MSANTD2: variants seen among roughly 807,000 people sequenced by gnomAD.
MSANTD2 encodes the protein Myb/SANT DNA binding domain containing 2.
In MSANTD2, 19 loss-of-function variants were observed where a neutral mutation model predicts 52.6. The observed-to-expected ratio is 0.36, with a 90% CI of 0.25 to 0.53. The LOEUF is 0.53. MSANTD2 is among the 20% of genes least tolerant of loss of function. The pLI is 0.91. For missense variants in MSANTD2, 558 were observed against 716.3 expected (o/e 0.78, Z 2.52); for synonymous variants, 291 against 289.7 (o/e 1.00, Z -0.04).
Position 124,767,152 on chromosome 11 carries a change from C to T in MSANTD2, c.*24G>A. 6.4e-7 allele frequency: 1 copy of T among 1,565,924 alleles called. No individual in the cohort carries two copies. Among genetic ancestry groups the T allele is most frequent in the Non-Finnish European group, 8.6e-7 (1 of 1,159,404 alleles). On this transcript the variant is annotated 3_prime_UTR_variant, in exon 4 of 4. Coordinates refer to ENST00000374979, the MANE Select transcript of MSANTD2 (RefSeq NM_001308027.2). This position sits in a 1 kb window ranked among gnomAD's most constrained non-coding sequence, Gnocchi z 6.5. ...GAGTAGAGAAGAAGGAGCTAAGAGC[C>T]CAAATCCTTATGAAGGATGACATTC...
chr11:124,798,610 G>C (rs1257027664), intron 1 of MSANTD2, among the ~76,000 whole-genome samples: 1 of 152,124 alleles, frequency 6.6e-6, no homozygotes, highest in Admixed American at 6.6e-5. Context: ...TTAGTTTGTG[G>C]ACCCAGTTTT....
intron 1 of MSANTD2, among the ~76,000 whole-genome samples, chr11:124,785,239 G>T (rs116405950): frequency 0.012 from 1,808 of 152,322 alleles, 39 homozygotes; most frequent in African/African-American, 0.04. Flanking sequence ...TGTAATGAAG[G>T]TAAATCATAG....
intron 1 of MSANTD2, among the ~76,000 whole-genome samples, chr11:124,793,879 C>A (rs549512403): frequency 1.3e-5 from 2 of 152,198 alleles, no homozygotes; most frequent in South Asian, 4.1e-4. Context: ...TGAGCTCCCC[C>A]TAGAGGTTTG....
chr11:124,767,556 G>A lies in MSANTD2; in HGVS notation c.1300C>T (p.Pro434Ser), dbSNP rs201439004. ...CTTTGCTCCATGTGTGGTGAGAGGG[G>A]CCTCTCAATACATTCTTCATAGCCA... is the stretch of plus-strand genomic sequence containing the variant. ...AIGYEECIER[P>S]LSPHMEQSSL... is the part of the protein sequence containing the mutation. The change falls in exon 4 of 4, where the codon CCC becomes TCC. Residue 434 changes from proline to serine, a missense_variant. Transcript: ENST00000374979. The surrounding 1 kb of genome is among the most constrained non-coding windows in gnomAD (Gnocchi z 6.5). 8 of 1,614,090 alleles carry A rather than the reference G, an allele frequency of 5.0e-6. No individual in the cohort carries two copies. Among genetic ancestry groups the A allele is most frequent in the Admixed American group, 1.7e-5 (1 of 60,006 alleles).
intron 1 of MSANTD2, chr11:124,791,025 T>C: frequency 2.2e-6 from 1 of 464,668 alleles, no homozygotes. Context: ...GGTTGTACAA[T>C]TAATTTTAGC....
In MSANTD2 at chr11:124,794,836, T is replaced by C. The variant is rs1458134870; in HGVS notation, c.510+5035A>G. On this transcript the variant is annotated intron_variant, in intron 1 of 3. Transcript: ENST00000374979. Reference sequence around the variant, plus strand: ...AATCTAAGCAATGTCCCCAGAAAATTAATCATTTTGTTCTCTGGGCAGAAG... The same window carrying C: ...AATCTAAGCAATGTCCCCAGAAAATCAATCATTTTGTTCTCTGGGCAGAAG... Among the ~76,000 whole-genome samples the C allele has an allele frequency of 2.0e-5, 3 of 152,082 alleles. No individual in the cohort carries two copies. In the East Asian group the frequency reaches 5.8e-4, roughly 29 times the overall value.
In MSANTD2 at chr11:124,774,936, A is replaced by C; in HGVS notation, c.549T>G (p.Gly183=). The C allele has an allele frequency of 6.3e-7, 1 of 1,584,184 alleles. No individual in the cohort carries two copies. The highest frequency in any genetic ancestry group is 1.8e-5 in the Admixed American group (1 of 55,684). The change falls in exon 2 of 4, where the codon GGT becomes GGG. Residue 183 remains glycine, a synonymous_variant. Transcript: ENST00000374979. This position sits in a 1 kb window ranked among gnomAD's most constrained non-coding sequence, Gnocchi z 5.1. ...RRCYSRVKEH[G]VGKRKSSYTF... ...TGTAACTGCTCTTTCTTTTCCCAAC[A>C]CCATGTTCTTTCACCCGACTGTAAC... is the stretch of plus-strand genomic sequence containing the variant.
chr11:124,778,437 C>A (rs181166637), intron 1 of MSANTD2, among the ~76,000 whole-genome samples: 1 of 152,232 alleles, frequency 6.6e-6, no homozygotes, highest in Admixed American at 6.5e-5. Flanking sequence ...TGGAAATCTC[C>A]CCGGTAAATT....
intron 1 of MSANTD2, among the ~76,000 whole-genome samples, chr11:124,780,046 G>A (rs1314524745): frequency 6.6e-6 from 1 of 152,022 alleles, no homozygotes; most frequent in Non-Finnish European, 1.5e-5. Context: ...AGTTAATTGA[G>A]GCAACGAAAC....
chr11:124,769,477 C>T (rs1463055621), intron 3 of MSANTD2, among the ~76,000 whole-genome samples: 4 of 152,134 alleles, frequency 2.6e-5, no homozygotes, highest in East Asian at 1.9e-4. Flanking sequence ...AAGACATAGA[C>T]CATATTTCTG....
chr11:124,782,516 T>A (rs1945016437), intron 1 of MSANTD2, among the ~76,000 whole-genome samples: 1 of 152,118 alleles, frequency 6.6e-6, no homozygotes, highest in Admixed American at 6.6e-5. Flanking sequence ...TCAGAGATCA[T>A]CTAGTTCATC....
Position 124,767,369 on chromosome 11 carries a change from T to A in MSANTD2, c.1487A>T (p.Asn496Ile). ...CCAATCTTTGCTGAAGGTTTTGGTA[T>A]TCGCTTGGAAATGTAAAAATAAGCA... The part of the protein sequence containing the change: ...QQCLFLHFQA[N>I]TKTFSKDWVG... Residue 496 changes from asparagine (N) to isoleucine (I), a missense_variant, in exon 4 of 4, where the codon AAT becomes ATT. Asn to Ile is a moderately radical substitution (Grantham distance 149). Transcript: ENST00000374979. This position sits in a 1 kb window ranked among gnomAD's most constrained non-coding sequence, Gnocchi z 6.5. 8 of 1,614,194 alleles carry A rather than the reference T, an allele frequency of 5.0e-6. No individual in the cohort carries two copies. Among genetic ancestry groups the A allele is most frequent in the Non-Finnish European group, 6.8e-6 (8 of 1,180,022 alleles).
intron 1 of MSANTD2, chr11:124,791,188 TG>T: frequency 9.1e-7 from 1 of 1,099,258 alleles, no homozygotes; most frequent in Non-Finnish European, 1.4e-6. Context: ...GTTGGAAGAA[TG>T]GGTGCATGTG....
intron 1 of MSANTD2, among the ~76,000 whole-genome samples, chr11:124,794,879 T>C (rs1945445360): frequency 6.6e-6 from 1 of 152,174 alleles, no homozygotes; most frequent in African/African-American, 2.4e-5. Context: ...TATCTTTTAT[T>C]TATTATTTAT....
chr11:124,767,026 TATG>T lies in MSANTD2; in HGVS notation c.*147_*149del. ...TCTGTTTTTTCTGGCCCAAGTCTACTATGATTCCTTAGAAGTCGTACTGGCCCA... is the reference window on the plus strand; with the variant it reads ...TCTGTTTTTTCTGGCCCAAGTCTACTATTCCTTAGAAGTCGTACTGGCCCA... On this transcript the variant is annotated 3_prime_UTR_variant, in exon 4 of 4. Transcript: ENST00000374979. The surrounding 1 kb of genome is among the most constrained non-coding windows in gnomAD (Gnocchi z 6.5). The T allele has an allele frequency of 1.3e-6, 1 of 786,052 alleles. No homozygotes were observed. The highest frequency in any genetic ancestry group is 2.0e-6 in the Non-Finnish European group (1 of 505,364). 48.7% of individuals were successfully genotyped at this position (786,052 alleles called of 1,614,324 possible).
intron 1 of MSANTD2, among the ~76,000 whole-genome samples, chr11:124,785,818 T>C (rs1945140944): frequency 6.6e-6 from 1 of 151,268 alleles, no homozygotes. Context: ...TATTTATATA[T>C]GGTACACCCC....
chr11:124,787,504 C>A (rs754649131), intron 1 of MSANTD2, among the ~76,000 whole-genome samples: 3 of 152,192 alleles, frequency 2.0e-5, no homozygotes, highest in Non-Finnish European at 4.4e-5. Context: ...CCTCAGCCTC[C>A]CGAGTAGCTG....
In MSANTD2 at chr11:124,767,576, T is replaced by C; in HGVS notation, c.1280A>G (p.Tyr427Cys). Residue 427 changes from tyrosine (Y) to cysteine (C), a missense_variant, in exon 4 of 4, where the codon TAT becomes TGT. By Grantham distance (194) the Tyr-to-Cys change is radical. Coordinates refer to ENST00000374979, the MANE Select transcript of MSANTD2 (RefSeq NM_001308027.2). This position sits in a 1 kb window ranked among gnomAD's most constrained non-coding sequence, Gnocchi z 6.5. Reference sequence around the variant, plus strand: ...GAGGGGCCTCTCAATACATTCTTCATAGCCAATGGCATAAAGGCCTGGGCT... The same window carrying C: ...GAGGGGCCTCTCAATACATTCTTCACAGCCAATGGCATAAAGGCCTGGGCT... ...PKSPGLYAIGYEECIERPLSP... is the reference protein window; with the variant it reads ...PKSPGLYAIGCEECIERPLSP... The C allele has an allele frequency of 1.2e-6, 2 of 1,614,204 alleles. No individual in the cohort carries two copies. The highest frequency in any genetic ancestry group is 8.5e-7 in the Non-Finnish European group (1 of 1,180,030).
chr11:124,799,698 A>G (rs1454577739), intron 1 of MSANTD2, among the ~76,000 whole-genome samples, 173 bp downstream of exon 1: 2 of 152,330 alleles, frequency 1.3e-5, no homozygotes, highest in Middle Eastern at 3.4e-3. Flanking sequence ...GCTGGCGGCC[A>G]TCTGGGAAAA....
Sources: allele counts gnomAD v4.1 joint callset (sites outside exome capture counted in the v4.1 genomes callset), GRCh38; gene constraint gnomAD v4.1.1; non-coding constraint Gnocchi (gnomAD v3.1); transcripts MANE v1.5; gene names NCBI Gene and HGNC (gene_info 2026-07-23, HGNC 2026-07-21).